Variants in RIC1 observed in about 807,000 individuals in gnomAD.
RIC1 encodes the protein guanine nucleotide exchange factor subunit RIC1.
A neutral mutation model predicts 169.0 loss-of-function variants in RIC1; 88 were observed. That is an observed-to-expected ratio of 0.52 (90% confidence interval 0.44 to 0.62). The LOEUF is 0.62. Ranked by LOEUF, RIC1 falls within the 20% of genes least tolerant of loss-of-function variation. The pLI, the probability that RIC1 is intolerant of heterozygous loss-of-function variation, is 0.00. For missense variants in RIC1, 1,877 were observed against 1,725.5 expected (o/e 1.09, Z -1.56); for synonymous variants, 790 against 601.5 (o/e 1.31, Z -4.59).
chr9:5,662,651 G>A (rs1819526061), intron 2 of RIC1, among the ~76,000 whole-genome samples: 2 of 152,100 alleles, frequency 1.3e-5, no homozygotes. Flanking sequence ...ATTCTCTGAT[G>A]ATTGTTTGTA....
downstream of RIC1, among the ~76,000 whole-genome samples, chr9:5,777,836 T>C (rs116562275): frequency 1.6e-3 from 242 of 152,308 alleles, no homozygotes; most frequent in African/African-American, 5.3e-3. Context: ...TATAATATCT[T>C]CTTATGCCAA....
intron 3 of RIC1, among the ~76,000 whole-genome samples, chr9:5,703,577 G>T (rs987336750): frequency 6.6e-6 from 1 of 152,098 alleles, no homozygotes; most frequent in Non-Finnish European, 1.5e-5. Context: ...ATATAATACA[G>T]CATGTACCTT....
rs551654830 is a variant in RIC1, at chr9:5,635,205, C to G, written c.144+5752C>G. On this transcript the variant is annotated intron_variant, in intron 1 of 25. Coordinates refer to ENST00000414202, the MANE Select transcript of RIC1 (RefSeq NM_020829.4). ...GTGTTGCCCAGGCCGGTCTCAGACT[C>G]CTGGACACAAGTGATCTGCCCATCT... is the stretch of plus-strand genomic sequence containing the variant. Among the ~76,000 whole-genome samples, 3 of 152,244 alleles carry G rather than the reference C, an allele frequency of 2.0e-5. No individual in the cohort carries two copies. In the East Asian group the frequency reaches 5.8e-4, roughly 29 times the overall value.
rs185625613 is a variant in RIC1, at chr9:5,750,553, T to C, written c.1453-2647T>C. Reference sequence around the variant, plus strand: ...AGGAGGATGGCTCCCACAGTCTCACTAGTTATAGACAAAACTAATCTAGGC... The same window carrying C: ...AGGAGGATGGCTCCCACAGTCTCACCAGTTATAGACAAAACTAATCTAGGC... On this transcript the variant is annotated intron_variant, in intron 12 of 25. Transcript: ENST00000414202. 5.5e-4 allele frequency among the ~76,000 whole-genome samples: 84 copies of C among 152,050 alleles called. 2 individuals are homozygous for C. The Middle Eastern group carries it at 0.014, about 25-fold the overall frequency.
chr9:5,634,211 T>C (rs370126066), intron 1 of RIC1, among the ~76,000 whole-genome samples: 1 of 152,224 alleles, frequency 6.6e-6, no homozygotes, highest in African/African-American at 2.4e-5. Context: ...TGCAGATATC[T>C]CTTTGAGATA....
At chr9:5,712,437 A>G (rs972911534) in intron 3 of RIC1, among the ~76,000 whole-genome samples, 2 of 152,142 alleles carry the variant, frequency 1.3e-5, no homozygotes, top group African/African-American at 2.4e-5. Context: ...TTTGCAATCT[A>G]CTCATCTGAC....
intron 4 of RIC1, chr9:5,719,514 G>A (rs1257256351): frequency 2.0e-5 from 3 of 152,224 alleles, no homozygotes; most frequent in African/African-American, 7.2e-5. Context: ...ACAGAGGATA[G>A]GCTCAGTAAA....
At chr9:5,632,791 G>C (rs1293208407) in intron 1 of RIC1, among the ~76,000 whole-genome samples, 1 of 152,110 alleles carries the variant, frequency 6.6e-6, no homozygotes, top group South Asian at 2.1e-4. Flanking sequence ...ACTGTACTGA[G>C]GGCCCAGAAT....
chr9:5,631,729 A>G (rs548543150), intron 1 of RIC1, among the ~76,000 whole-genome samples: 1 of 151,582 alleles, frequency 6.6e-6, no homozygotes, highest in East Asian at 1.9e-4. Context: ...CCAAGTGATT[A>G]TAAGGTGTAT....
At chr9:5,693,062 C>G (rs899611472) in intron 3 of RIC1, among the ~76,000 whole-genome samples, 9 of 152,130 alleles carry the variant, frequency 5.9e-5, no homozygotes, top group Admixed American at 5.2e-4. Context: ...TATGCTCCAT[C>G]CAGCTACTAC....
chr9:5,639,918 G>A (rs1034156296), intron 1 of RIC1, among the ~76,000 whole-genome samples: 2 of 152,258 alleles, frequency 1.3e-5, no homozygotes, highest in South Asian at 4.1e-4. Context: ...CCATTGGCAT[G>A]TAATATCTTT....
intron 2 of RIC1, among the ~76,000 whole-genome samples, chr9:5,666,448 T>C (rs116517828): frequency 2.6e-4 from 40 of 152,324 alleles, no homozygotes; most frequent in African/African-American, 9.4e-4. Context: ...TAAAAGTGGG[T>C]ATCCTTATCT....
chr9:5,776,361 G>A lies in RIC1; in HGVS notation c.*2115G>A, dbSNP rs978032076. Reference sequence around the variant, plus strand: ...ATCAACTGTTTAAGCCATAATTTTAGCCAATGAATTTAAATATTCAGTATA... The same window carrying A: ...ATCAACTGTTTAAGCCATAATTTTAACCAATGAATTTAAATATTCAGTATA... On this transcript the variant is annotated 3_prime_UTR_variant, in exon 26 of 26. Coordinates refer to ENST00000414202, the MANE Select transcript of RIC1 (RefSeq NM_020829.4). The A allele has an allele frequency of 6.6e-6, 1 of 151,956 alleles. No homozygotes were observed. The highest frequency in any genetic ancestry group is 2.4e-5 in the African/African-American group (1 of 41,370). 9.4% of individuals were successfully genotyped at this position (151,956 alleles called of 1,614,324 possible).
intron 2 of RIC1, among the ~76,000 whole-genome samples, chr9:5,662,221 G>A (rs1819493897): frequency 6.6e-6 from 1 of 151,988 alleles, no homozygotes; most frequent in Admixed American, 6.6e-5. Context: ...TGGGCTACTG[G>A]ATATTTGCCA....
At chr9:5,656,225 G>A (rs1353724133) in intron 1 of RIC1, among the ~76,000 whole-genome samples, 2 of 152,080 alleles carry the variant, frequency 1.3e-5, no homozygotes, top group African/African-American at 4.8e-5. Flanking sequence ...AGGGAATGCT[G>A]GACTCAAAAT....
At position 5,656,693 on chromosome 9, in the gene RIC1, AAG is replaced by A. The variant is rs1295501043; in HGVS notation, c.252+4_252+5del. 1 of 1,539,002 alleles carries A rather than the reference AAG, an allele frequency of 6.5e-7. No individual in the cohort carries two copies. The highest frequency in any genetic ancestry group is 8.9e-7 in the Non-Finnish European group (1 of 1,119,844). ...ATAGTACCATGATAGCTGTATCAGT[AAG>A]TAGATTTTACCGCTAAATAGTGTTT... On this transcript the variant is annotated splice_donor_5th_base_variant and intron_variant, in intron 2 of 25. Transcript: ENST00000414202.
chr9:5,708,172 T>C (rs1200422144), intron 3 of RIC1, among the ~76,000 whole-genome samples: 1 of 152,178 alleles, frequency 6.6e-6, no homozygotes, highest in Non-Finnish European at 1.5e-5. Context: ...CAAAACTATG[T>C]TCCCGTACAT....
At chr9:5,695,675 C>T (rs1046731594) in intron 3 of RIC1, among the ~76,000 whole-genome samples, 4 of 150,554 alleles carry the variant, frequency 2.7e-5, no homozygotes, top group Admixed American at 2.0e-4. Flanking sequence ...TGGGTTCAAG[C>T]GATTCTCATG....
At chr9:5,747,605 G>C (rs1338673486) in intron 12 of RIC1, 100 bp downstream of exon 12, 4 of 1,073,750 alleles carry the variant, frequency 3.7e-6, no homozygotes, top group Non-Finnish European at 5.6e-6. Context: ...AGGCAACTGA[G>C]AATCCTTTTA....
Sources: gnomAD v4.1 joint callset for allele counts (sites outside exome capture counted in the v4.1 genomes callset) on GRCh38, gnomAD v4.1.1 for gene constraint, MANE v1.5 for transcripts, NCBI Gene and HGNC (gene_info 2026-07-23, HGNC 2026-07-21) for gene names.